RNF213: variants seen among roughly 807,000 people sequenced by gnomAD.
The protein encoded by RNF213 is E3 ubiquitin-protein ligase RNF213.
Under a neutral mutation model 514.4 loss-of-function variants are expected in RNF213, and 341 were observed. The observed-to-expected ratio is 0.66, with a 90% CI of 0.61 to 0.73. The LOEUF is 0.73. Ranked by LOEUF, RNF213 falls within the 30% of genes least tolerant of loss-of-function variation. The pLI is 0.00. For synonymous variants in RNF213, 2,655 were observed against 2,658.2 expected (o/e 1.00, Z 0.04); for missense variants, 5,767 against 6,615.6 (o/e 0.87, Z 4.45).
In RNF213 at chr17:80,348,015, C is replaced by T. The variant is rs763302578; in HGVS notation, c.9680C>T (p.Ala3227Val). 8.1e-6 allele frequency: 13 copies of T among 1,614,114 alleles called. No homozygotes were observed. Among genetic ancestry groups the T allele is most frequent in the African/African-American group, 6.7e-5 (5 of 74,956 alleles). The change falls in exon 29 of 68, where the codon GCG (alanine) becomes GTG (valine). Residue 3227 changes from alanine (A) to valine (V), a missense_variant. Ala to Val is a moderately conservative substitution (Grantham distance 64, BLOSUM62 0). Transcript: ENST00000582970. ...VFIGYHSDAC[A>V]SVVLQVIERQ... ...ATCGGCTACCACTCGGACGCCTGCG[C>T]GTCTGTGGTGCTGCAGGTCATAGAG...
chr17:80,353,602 A>T lies in RNF213; in HGVS notation c.10514A>T (p.Glu3505Val). 6.2e-7 allele frequency: 1 copy of T among 1,614,154 alleles called. No individual in the cohort carries two copies. Among genetic ancestry groups the T allele is most frequent in the South Asian group, 1.1e-5 (1 of 91,082 alleles). The change falls in exon 34 of 68, where the codon GAG (glutamate) becomes GTG (valine). Residue 3505 changes from glutamate to valine, a missense_variant. Physicochemically the swap from Glu to Val is moderately radical, Grantham distance 121. This residue lies in a region of RNF213 where 919 missense variants were observed against 1,121.0 expected (regional missense o/e 0.82). Coordinates refer to ENST00000582970, the MANE Select transcript of RNF213 (RefSeq NM_001256071.3). The surrounding 1 kb of genome is among the most constrained non-coding windows in gnomAD (Gnocchi z 5.0). ...GGGGAGGTGGCAGAGGTGGCAGAGG[A>T]GGCCATGGAAACAGAAAGTTCTGAG... is the stretch of plus-strand genomic sequence containing the variant. ...TSGEVAEVAE[E>V]AMETESSEKV... is the part of the protein sequence containing the mutation.
Position 80,380,848 on chromosome 17 carries a change from C to T in RNF213, c.13658C>T (p.Thr4553Met). 2 of 1,614,214 alleles carry T rather than the reference C, an allele frequency of 1.2e-6. No homozygotes were observed. Among genetic ancestry groups the T allele is most frequent in the Non-Finnish European group, 1.7e-6 (2 of 1,180,050 alleles). ...FHLVKDKADR[T>M]QTGHVLGNPQ... The stretch of plus-strand genomic sequence containing the variant: ...CTTTCCAGAGACAAGGCAGACAGAA[C>T]GCAGACCGGCCACGTGCTGGGCAAC... The change falls in exon 56 of 68, where the codon ACG becomes ATG. Residue 4553 changes from threonine to methionine, a missense_variant. Around this residue, in one of 13 missense-constraint regions of RNF213, gnomAD observed 1,245 missense variants for 1,339.0 expected, o/e 0.93. Coordinates refer to ENST00000582970, the MANE Select transcript of RNF213 (RefSeq NM_001256071.3).
chr17:80,361,613 T>C (rs2079057423), intron 38 of RNF213, 121 bp from the exon 39 acceptor site: 2 of 1,004,774 alleles, frequency 2.0e-6, no homozygotes, highest in Non-Finnish European at 3.1e-6. Context: ...GGTACCCCTT[T>C]GTCTACGAGC....
chr17:80,337,527 G>C lies in RNF213; in HGVS notation c.4528-59G>C, dbSNP rs184734837. On this transcript the variant is annotated intron_variant, in intron 23 of 67. Coordinates refer to ENST00000582970, the MANE Select transcript of RNF213 (RefSeq NM_001256071.3). ...GAGGCGGGAGGCCGACCACAGGAGGGAGAAGGGCAAGATCCTCGCTCCAAC... is the reference window on the plus strand; with the variant it reads ...GAGGCGGGAGGCCGACCACAGGAGGCAGAAGGGCAAGATCCTCGCTCCAAC... 3.2e-4 allele frequency: 480 copies of C among 1,522,222 alleles called. 2 individuals are homozygous for C. The African/African-American group carries it at 5.3e-3, about 17-fold the overall frequency. The allele number at this position is 1,522,222 out of a possible 1,614,324, so 94.3% of individuals were successfully genotyped here.
intron 21 of RNF213, among the ~76,000 whole-genome samples, chr17:80,333,365 T>C (rs1273420153): frequency 6.7e-6 from 1 of 148,422 alleles, no homozygotes; most frequent in Non-Finnish European, 1.5e-5. Context: ...CGGCTGAGTC[T>C]TCTGCTTCTT....
intron 10 of RNF213, 135 bp from the exon 11 acceptor site, chr17:80,298,186 A>T: frequency 3.4e-6 from 3 of 887,362 alleles, no homozygotes; most frequent in Non-Finnish European, 5.4e-6. Flanking sequence ...TGCGTGAGTT[A>T]AACTCTGCTC....
At chr17:80,319,852 C>T in intron 17 of RNF213, 1 of 1,168,732 alleles carries the variant, frequency 8.6e-7, no homozygotes, top group Non-Finnish European at 1.1e-6. Flanking sequence ...GGCTGCCCTG[C>T]TCACATTTCC....
chr17:80,290,813 G>GTT (rs377123027), intron 7 of RNF213, 85 bp downstream of exon 7: 2,042 of 1,275,146 alleles, frequency 1.6e-3, no homozygotes, highest in Non-Finnish European at 1.9e-3. Context: ...AAAAAATTTT[G>GTT]TTTTTTTTTT....
At chr17:80,369,962 C>A (rs2079450303) in intron 46 of RNF213, 95 bp downstream of exon 46, 1 of 862,710 alleles carries the variant, frequency 1.2e-6, no homozygotes, top group Non-Finnish European at 2.0e-6. Flanking sequence ...TGACTAGTAG[C>A]TAGTACATGA....
At position 80,339,484 on chromosome 17, in the gene RNF213, C is replaced by T; in HGVS notation, c.5117C>T (p.Ala1706Val). The T allele has an allele frequency of 1.3e-6, 2 of 1,537,252 alleles. No homozygotes were observed. The highest frequency in any genetic ancestry group is 1.7e-6 in the Non-Finnish European group (2 of 1,146,916). ...CACTTTTACCTGAACTTCTACACGG[C>T]AGAGCAGCTGGTTTACCTGAGCACT... is the stretch of plus-strand genomic sequence containing the variant. ...MEHFYLNFYT[A>V]EQLVYLSTEL... is the part of the protein sequence containing the mutation. The change falls in exon 26 of 68, where the codon GCA becomes GTA. Residue 1706 changes from alanine to valine, a missense_variant. Ala to Val is a moderately conservative substitution (Grantham distance 64, BLOSUM62 0). Transcript: ENST00000582970.
chr17:80,294,553 G>C (rs1241174586), intron 8 of RNF213, among the ~76,000 whole-genome samples, 167 bp from the exon 9 acceptor site: 1 of 152,162 alleles, frequency 6.6e-6, no homozygotes, highest in Non-Finnish European at 1.5e-5. Flanking sequence ...TCAGTTGGAG[G>C]AGTCTGGCTG....
Position 80,343,129 on chromosome 17 carries a change from T to A in RNF213, c.5990-3T>A, listed in dbSNP as rs779779924. The A allele has an allele frequency of 6.2e-7, 1 of 1,612,492 alleles. No individual in the cohort carries two copies. On this transcript the variant is annotated splice_region_variant and splice_polypyrimidine_tract_variant and intron_variant, in intron 26 of 67. Coordinates refer to ENST00000582970, the MANE Select transcript of RNF213 (RefSeq NM_001256071.3). This position sits in a 1 kb window ranked among gnomAD's most constrained non-coding sequence, Gnocchi z 4.3. ...AGCCCTAATTTCTGTATTAATGTTA[T>A]AGGAAAGTCTCTGTACGTGAAGAGG...
chr17:80,353,842 G>A lies in RNF213; in HGVS notation c.10578+176G>A. 8.4e-7 allele frequency: 1 copy of A among 1,194,480 alleles called. No homozygotes were observed. Among genetic ancestry groups the A allele is most frequent in the Non-Finnish European group, 1.2e-6 (1 of 825,712 alleles). 74.0% of individuals were successfully genotyped at this position (1,194,480 alleles called of 1,614,324 possible). On this transcript the variant is annotated intron_variant, in intron 34 of 67. Coordinates refer to ENST00000582970, the MANE Select transcript of RNF213 (RefSeq NM_001256071.3). This position sits in a 1 kb window ranked among gnomAD's most constrained non-coding sequence, Gnocchi z 5.0. ...TGTTGCTGGTTACTGGGGGTCAAGG[G>A]CATCTGCACCGGCAGTTTGGGGGGT...
chr17:80,369,978 G>C (rs905242771), intron 46 of RNF213, 111 bp downstream of exon 46: 3 of 811,116 alleles, frequency 3.7e-6, no homozygotes, highest in Non-Finnish European at 6.5e-6. Flanking sequence ...CATGATCTTG[G>C]GGAGCTTTTT....
intron 21 of RNF213, among the ~76,000 whole-genome samples, chr17:80,332,860 C>T (rs962381471): frequency 2.6e-5 from 4 of 152,028 alleles, no homozygotes; most frequent in South Asian, 2.1e-4. Flanking sequence ...CTTGGGTCTG[C>T]GTGAAGATCA....
intron 36 of RNF213, among the ~76,000 whole-genome samples, chr17:80,356,062 T>C (rs1481340302): frequency 6.6e-6 from 1 of 151,642 alleles, no homozygotes; most frequent in Non-Finnish European, 1.5e-5. Flanking sequence ...AGTGCAGTGA[T>C]GCGATCTCAG....
intron 55 of RNF213, 30 bp from the exon 56 acceptor site, chr17:80,380,801 C>T (rs2144592480): frequency 5.0e-6 from 8 of 1,614,026 alleles, no homozygotes; most frequent in East Asian, 2.2e-5. Flanking sequence ...CAGCCTCAGC[C>T]TCTGTCTTGT....
intron 3 of RNF213, among the ~76,000 whole-genome samples, chr17:80,283,765 G>A (rs999729809): frequency 3.3e-5 from 5 of 152,200 alleles, no homozygotes; most frequent in East Asian, 3.8e-4. Context: ...CTCCTGTTCC[G>A]GGCTGTGACT....
chr17:80,354,082 A>G lies in RNF213; in HGVS notation c.10642A>G (p.Arg3548Gly), dbSNP rs1463782571. Residue 3548 changes from arginine (R) to glycine (G), a missense_variant, in exon 35 of 68, where the codon AGA becomes GGA. By Grantham distance (125) the Arg-to-Gly change is moderately radical (BLOSUM62 -2). Transcript: ENST00000582970. ...SCVQSAVGML[R>G]DQNESCTRNM... ...TGTGCAGAGCGCCGTGGGCATGCTCAGAGACCAGAACGAGAGCTGCACGCG... is the reference window on the plus strand; with the variant it reads ...TGTGCAGAGCGCCGTGGGCATGCTCGGAGACCAGAACGAGAGCTGCACGCG... 2 of 1,614,066 alleles carry G rather than the reference A, an allele frequency of 1.2e-6. No individual in the cohort carries two copies. Among genetic ancestry groups the G allele is most frequent in the Middle Eastern group, 1.6e-4 (1 of 6,062 alleles).
Sources: allele counts gnomAD v4.1 joint callset (sites outside exome capture counted in the v4.1 genomes callset), GRCh38; gene constraint gnomAD v4.1.1; regional missense constraint gnomAD v4.1.1; non-coding constraint Gnocchi (gnomAD v3.1); transcripts MANE v1.5; gene names NCBI Gene and HGNC (gene_info 2026-07-23, HGNC 2026-07-21).